DHX29: variants seen among roughly 807,000 people sequenced by gnomAD.
DHX29 encodes DExH-box helicase 29.
A neutral mutation model predicts 167.9 loss-of-function variants in DHX29; 79 were observed. That is an observed-to-expected ratio of 0.47 (90% CI 0.39 to 0.57). DHX29 has a LOEUF of 0.57. Ranked by LOEUF, DHX29 falls within the 20% of genes least tolerant of loss-of-function variation. The pLI, the probability that DHX29 is intolerant of heterozygous loss-of-function variation, is 0.00. For synonymous variants in DHX29, 530 were observed against 546.0 expected (o/e 0.97, Z 0.41); for missense variants, 1,347 against 1,593.4 (o/e 0.85, Z 2.63).
Position 55,261,379 on chromosome 5 carries a change from T to G in DHX29, c.3949A>C (p.Ile1317Leu), listed in dbSNP as rs1188678726. ...GTTGTACTATGTACCTGAAAATAGA[T>G]CCAGCCATCAATAGAAAGAAGACGT... Reference protein sequence around the residue: ...RERLLSIDGWIYFQAPVKIAV... With the variant: ...RERLLSIDGWLYFQAPVKIAV... Residue 1317 changes from isoleucine (I) to leucine (L), a missense_variant, in exon 25 of 27, where the codon ATC becomes CTC. Around this residue, in one of 3 missense-constraint regions of DHX29, gnomAD observed 882 missense variants for 1,082.4 expected, o/e 0.81. Coordinates refer to ENST00000251636, the MANE Select transcript of DHX29 (RefSeq NM_019030.4). 7.0e-6 allele frequency: 11 copies of G among 1,578,326 alleles called. No homozygotes were observed. The highest frequency in any genetic ancestry group is 9.5e-6 in the Non-Finnish European group (11 of 1,153,332).
chr5:55,288,225 A>G (rs1747847109), intron 8 of DHX29, among the ~76,000 whole-genome samples: 1 of 152,052 alleles, frequency 6.6e-6, no homozygotes, highest in Non-Finnish European at 1.5e-5. Flanking sequence ...CCTGGGCAAC[A>G]AGAGTGAAAC....
At chr5:55,257,303 T>G (rs546718645) in intron 26 of DHX29, among the ~76,000 whole-genome samples, 56 of 152,334 alleles carry the variant, frequency 3.7e-4, no homozygotes, top group African/African-American at 1.3e-3. Flanking sequence ...GAGAATGCTG[T>G]CGCTTTCAAT....
At chr5:55,277,905 CAAAAAAA>C (rs753851538) in intron 12 of DHX29, among the ~76,000 whole-genome samples, 2 of 62,158 alleles carry the variant, frequency 3.2e-5, no homozygotes, top group African/African-American at 5.4e-5. Flanking sequence ...GACTCTATCT[CAAAAAAA>C]AAAAAAAAAA....
At chr5:55,305,435 T>A (rs1474976553) in intron 1 of DHX29, among the ~76,000 whole-genome samples, 1 of 152,160 alleles carries the variant, frequency 6.6e-6, no homozygotes, top group Non-Finnish European at 1.5e-5. Flanking sequence ...ATAGAGGAAT[T>A]ATTAAAAGGT....
In DHX29 at chr5:55,287,588, T is replaced by A. The variant is rs182425900; in HGVS notation, c.1066+1682A>T. On this transcript the variant is annotated intron_variant, in intron 8 of 26. Coordinates refer to ENST00000251636, the MANE Select transcript of DHX29 (RefSeq NM_019030.4). Reference sequence around the variant, plus strand: ...TCAATAATTAACTCAGAATTTTTTTTTAAAAAAACAATTAACTAAAAAACT... The same window carrying A: ...TCAATAATTAACTCAGAATTTTTTTATAAAAAAACAATTAACTAAAAAACT... Among the ~76,000 whole-genome samples the A allele has an allele frequency of 1.5e-3, 222 of 152,208 alleles. 1 individual carries two copies. The Middle Eastern group carries it at 0.017, about 12-fold the overall frequency.
chr5:55,306,526 G>A (rs1295104939), intron 1 of DHX29, among the ~76,000 whole-genome samples: 1 of 150,386 alleles, frequency 6.6e-6, no homozygotes, highest in African/African-American at 2.5e-5. Flanking sequence ...CTATAAATAT[G>A]TCTGTGTGCG....
At chr5:55,303,263 C>G (rs544385103) in intron 1 of DHX29, among the ~76,000 whole-genome samples, 1 of 152,102 alleles carries the variant, frequency 6.6e-6, no homozygotes, top group Non-Finnish European at 1.5e-5. Flanking sequence ...ACTCTGATTC[C>G]CTTCTGATCG....
rs957733136 is a variant in DHX29 at position 55,261,516 on chromosome 5, G to A, written c.3829-17C>T. On this transcript the variant is annotated splice_polypyrimidine_tract_variant and intron_variant, in intron 24 of 26. Coordinates refer to ENST00000251636, the MANE Select transcript of DHX29 (RefSeq NM_019030.4). ...ATACCTTATCTACATGGGAAAAAGGGGGGAAAATAACTTCAAAATATAAAA... is the reference window on the plus strand; with the variant it reads ...ATACCTTATCTACATGGGAAAAAGGAGGGAAAATAACTTCAAAATATAAAA... 4 of 1,490,778 alleles carry A rather than the reference G, an allele frequency of 2.7e-6. No individual in the cohort carries two copies. Among genetic ancestry groups the A allele is most frequent in the Non-Finnish European group, 3.7e-6 (4 of 1,091,580 alleles). The allele number at this position is 1,490,778 out of a possible 1,614,324, so 92.3% of individuals were successfully genotyped here.
chr5:55,264,500 T>C (rs914266347), intron 23 of DHX29, among the ~76,000 whole-genome samples: 1 of 152,204 alleles, frequency 6.6e-6, no homozygotes, highest in East Asian at 1.9e-4. Flanking sequence ...TCAGAGCTCT[T>C]TGGAAACATG....
chr5:55,271,850 C>T (rs1476142664), intron 18 of DHX29, among the ~76,000 whole-genome samples: 1 of 152,028 alleles, frequency 6.6e-6, no homozygotes, highest in Non-Finnish European at 1.5e-5. Context: ...TTTCTCAGCA[C>T]TTTTCTAAAA....
intron 12 of DHX29, among the ~76,000 whole-genome samples, chr5:55,280,859 A>G (rs1747365314): frequency 6.6e-6 from 1 of 152,050 alleles, no homozygotes; most frequent in Non-Finnish European, 1.5e-5. Flanking sequence ...GAAATGCTAC[A>G]TTTTCCATTT....
chr5:55,283,721 C>T lies in DHX29; in HGVS notation c.1447G>A (p.Glu483Lys), dbSNP rs1435682152. 3 of 1,613,710 alleles carry T rather than the reference C, an allele frequency of 1.9e-6. No individual in the cohort carries two copies. Among genetic ancestry groups the T allele is most frequent in the Non-Finnish European group, 2.5e-6 (3 of 1,179,960 alleles). Residue 483 changes from glutamate (E) to lysine (K), a missense_variant, in exon 11 of 27, where the codon GAA becomes AAA. Glu to Lys is a moderately conservative substitution (Grantham distance 56, BLOSUM62 1). Coordinates refer to ENST00000251636, the MANE Select transcript of DHX29 (RefSeq NM_019030.4). The part of the protein sequence containing the change: ...EKKREELNKM[E>K]TNKPRDLFIA... Reference sequence around the variant, plus strand: ...AAAAGATCACGTGGTTTATTGGTTTCCATTTTATTTAATTCTTCCCTTTTC... The same window carrying T: ...AAAAGATCACGTGGTTTATTGGTTTTCATTTTATTTAATTCTTCCCTTTTC...
At chr5:55,272,227 C>CA (rs1485896655) in intron 17 of DHX29, 52 bp from the exon 18 acceptor site, 1 of 1,103,184 alleles carries the variant, frequency 9.1e-7, no homozygotes. Context: ...ATGAATGTAT[C>CA]ATTATTTAAA....
Position 55,281,438 on chromosome 5 carries a change from C to G in DHX29, c.2043G>C (p.Gly681=). The part of the protein sequence containing the change: ...ESTRLLYCTT[G]VLLRKLQEDG... ...CTTCTTGAAGTTTCCTTAGCAAAAC[C>G]CCTGTTGTACAATAGAGTAACCTGG... The change falls in exon 12 of 27, where the codon GGG becomes GGC. Residue 681 remains glycine, a synonymous_variant. Coordinates refer to ENST00000251636, the MANE Select transcript of DHX29 (RefSeq NM_019030.4). 1 of 1,601,506 alleles carries G rather than the reference C, an allele frequency of 6.2e-7. No homozygotes were observed. Among genetic ancestry groups the G allele is most frequent in the Middle Eastern group, 1.7e-4 (1 of 6,012 alleles).
intron 13 of DHX29, 43 bp downstream of exon 13, chr5:55,277,063 G>T: frequency 7.0e-7 from 1 of 1,422,318 alleles, no homozygotes; most frequent in Non-Finnish European, 9.7e-7. Flanking sequence ...AACCTGGTGG[G>T]AATGCAGTTT....
At chr5:55,261,596 T>G in intron 24 of DHX29, 97 bp from the exon 25 acceptor site, 1 of 814,720 alleles carries the variant, frequency 1.2e-6, no homozygotes, top group South Asian at 1.6e-5. Context: ...AATTTGTTAT[T>G]CTACATTTTA....
chr5:55,271,880 A>G (rs1349580448), intron 18 of DHX29, among the ~76,000 whole-genome samples: 1 of 152,180 alleles, frequency 6.6e-6, no homozygotes, highest in Non-Finnish European at 1.5e-5. Context: ...TACTGGTATT[A>G]CTTATGGGAA....
Position 55,298,584 on chromosome 5 carries a change from T to G in DHX29, c.261+7A>C. On this transcript the variant is annotated splice_region_variant and intron_variant, in intron 2 of 26. Coordinates refer to ENST00000251636, the MANE Select transcript of DHX29 (RefSeq NM_019030.4). Reference sequence around the variant, plus strand: ...TCTTGAAATGACTCAAAACCTTTGTTACTTACTTTCAAAATAGATTTATCC... The same window carrying G: ...TCTTGAAATGACTCAAAACCTTTGTGACTTACTTTCAAAATAGATTTATCC... 1 of 1,471,976 alleles carries G rather than the reference T, an allele frequency of 6.8e-7. No homozygotes were observed. Among genetic ancestry groups the G allele is most frequent in the Non-Finnish European group, 9.5e-7 (1 of 1,054,320 alleles). The allele number at this position is 1,471,976 out of a possible 1,614,324, so 91.2% of individuals were successfully genotyped here.
intron 24 of DHX29, among the ~76,000 whole-genome samples, chr5:55,262,268 C>T (rs1746347169): frequency 1.3e-5 from 2 of 152,100 alleles, no homozygotes; most frequent in South Asian, 4.1e-4. Flanking sequence ...CTACACCATC[C>T]AATATTCCCC....
Sources: allele counts gnomAD v4.1 joint callset (sites outside exome capture counted in the v4.1 genomes callset), GRCh38; gene constraint gnomAD v4.1.1; regional missense constraint gnomAD v4.1.1; transcripts MANE v1.5; gene names NCBI Gene and HGNC (gene_info 2026-07-23, HGNC 2026-07-21).